The following IGF2BP2 variants were observed in gnomAD, a reference collection of about 807,000 sequenced individuals.
The protein encoded by IGF2BP2 is insulin like growth factor 2 mRNA binding protein 2.
In IGF2BP2, 17 loss-of-function variants were observed where a neutral mutation model predicts 75.8. That is an observed-to-expected ratio of 0.22 (90% CI 0.15 to 0.34). The LOEUF (loss-of-function observed/expected upper bound fraction) is 0.34. Ranked by LOEUF, IGF2BP2 falls within the 10% of genes least tolerant of loss-of-function variation. IGF2BP2 has a pLI of 1.00. For missense variants in IGF2BP2, 516 were observed against 772.4 expected (o/e 0.67, Z 3.93); for synonymous variants, 288 against 295.6 (o/e 0.97, Z 0.26).
chr3:185,663,760 TTTC>T (rs552276938), intron 10 of IGF2BP2, among the ~76,000 whole-genome samples: 3 of 152,198 alleles, frequency 2.0e-5, no homozygotes, highest in Non-Finnish European at 2.9e-5. Context: ...TATTACTTAT[TTTC>T]TTCTACTAAT....
chr3:185,798,190 C>G (rs967414081), intron 2 of IGF2BP2, among the ~76,000 whole-genome samples: 1 of 152,046 alleles, frequency 6.6e-6, no homozygotes, highest in Admixed American at 6.6e-5. Flanking sequence ...GAGCAAGACT[C>G]TGCCTCAAGA....
chr3:185,648,081 C>T (rs1344622231), intron 14 of IGF2BP2, among the ~76,000 whole-genome samples: 6 of 152,232 alleles, frequency 3.9e-5, no homozygotes, highest in East Asian at 1.9e-4. Flanking sequence ...TTTGATTCCA[C>T]ACCGCTTCGT....
chr3:185,720,663 C>G (rs1340216117), intron 2 of IGF2BP2, among the ~76,000 whole-genome samples: 1 of 152,206 alleles, frequency 6.6e-6, no homozygotes, highest in African/African-American at 2.4e-5. Flanking sequence ...AGGCATGCTG[C>G]TGAACCCACT....
chr3:185,651,822 C>A (rs1217261602), intron 13 of IGF2BP2, among the ~76,000 whole-genome samples: 1 of 152,172 alleles, frequency 6.6e-6, no homozygotes, highest in African/African-American at 2.4e-5. Flanking sequence ...AAAACCAGGG[C>A]TAAGGGATCA....
intron 2 of IGF2BP2, among the ~76,000 whole-genome samples, chr3:185,699,617 T>C (rs986972193): frequency 2.0e-5 from 3 of 152,238 alleles, no homozygotes; most frequent in Admixed American, 2.0e-4. Context: ...AATGTGAATA[T>C]ATATTCATAT....
chr3:185,654,149 A>C (rs1715049245), intron 12 of IGF2BP2, among the ~76,000 whole-genome samples: 1 of 151,968 alleles, frequency 6.6e-6, no homozygotes, highest in Non-Finnish European at 1.5e-5. Context: ...TCTGGCTGTG[A>C]CTCCTTGGTG....
intron 2 of IGF2BP2, among the ~76,000 whole-genome samples, chr3:185,821,735 G>A (rs1392480058): frequency 1.3e-5 from 2 of 151,942 alleles, no homozygotes; most frequent in African/African-American, 2.4e-5. Flanking sequence ...CAAATACTTG[G>A]GGTAGTTATT....
At chr3:185,820,884 C>A in intron 2 of IGF2BP2, 2 of 765,716 alleles carry the variant, frequency 2.6e-6, no homozygotes, top group South Asian at 2.4e-5. Context: ...ACACAAAAAC[C>A]ACATATAGAA....
intron 2 of IGF2BP2, among the ~76,000 whole-genome samples, chr3:185,766,392 G>A (rs1733062220): frequency 6.6e-6 from 1 of 152,018 alleles, no homozygotes; most frequent in Non-Finnish European, 1.5e-5. Flanking sequence ...CCAGCCACCT[G>A]TTTTTGTATA....
At chr3:185,650,896 G>A (rs993605650) in intron 13 of IGF2BP2, among the ~76,000 whole-genome samples, 3 of 152,098 alleles carry the variant, frequency 2.0e-5, no homozygotes, top group Non-Finnish European at 4.4e-5. Context: ...TCATATGAAC[G>A]AAATCACTTC....
intron 10 of IGF2BP2, among the ~76,000 whole-genome samples, chr3:185,659,245 A>T (rs1280302894): frequency 6.6e-6 from 1 of 151,848 alleles, no homozygotes; most frequent in Non-Finnish European, 1.5e-5. Flanking sequence ...AAAAAGAGAG[A>T]GAGTGACTGA....
rs1192703319 is a variant in IGF2BP2 at position 185,675,354 on chromosome 3, T to G, written c.1013A>C (p.Glu338Ala). Residue 338 changes from glutamate (E) to alanine (A), a missense_variant, in exon 9 of 16, where the codon GAG (glutamate) becomes GCG (alanine). Coordinates refer to ENST00000382199, the MANE Select transcript of IGF2BP2 (RefSeq NM_006548.6). ...KGTVEACASA[E>A]IEIMKKLREA... Reference sequence around the variant, plus strand: ...ACGCAGCTTCTTCATAATCTCTATCTCAGCACTGGCACAGGCCTCAACTGT... The same window carrying G: ...ACGCAGCTTCTTCATAATCTCTATCGCAGCACTGGCACAGGCCTCAACTGT... 1.9e-6 allele frequency: 3 copies of G among 1,612,516 alleles called. No homozygotes were observed. The highest frequency in any genetic ancestry group is 2.5e-6 in the Non-Finnish European group (3 of 1,179,734).
At chr3:185,792,624 G>A (rs11925455) in intron 2 of IGF2BP2, among the ~76,000 whole-genome samples, 43,864 of 151,564 alleles carry the variant, frequency 0.29, 6,661 homozygotes, top group African/African-American at 0.39. Flanking sequence ...AAAGTTAGCC[G>A]GGCCTGGTGA....
At chr3:185,774,071 T>C (rs1015901476) in intron 2 of IGF2BP2, among the ~76,000 whole-genome samples, 1 of 152,174 alleles carries the variant, frequency 6.6e-6, no homozygotes, top group Non-Finnish European at 1.5e-5. Flanking sequence ...CTTAACACAG[T>C]GCTGAACACA....
At chr3:185,738,592 CCT>C (rs1729150271) in intron 2 of IGF2BP2, among the ~76,000 whole-genome samples, 1 of 152,156 alleles carries the variant, frequency 6.6e-6, no homozygotes, top group Non-Finnish European at 1.5e-5. Flanking sequence ...CCACTACCAT[CCT>C]CTCTCAGAAA....
At chr3:185,676,467 G>A (rs1231813799) in intron 7 of IGF2BP2, among the ~76,000 whole-genome samples, 2 of 152,038 alleles carry the variant, frequency 1.3e-5, no homozygotes, top group East Asian at 1.9e-4. Context: ...GCCTAAGCCC[G>A]AGAGTTCAAG....
At chr3:185,749,628 T>C (rs1377055676) in intron 2 of IGF2BP2, among the ~76,000 whole-genome samples, 1 of 152,200 alleles carries the variant, frequency 6.6e-6, no homozygotes, top group Non-Finnish European at 1.5e-5. Flanking sequence ...AGCACTAATA[T>C]AAGCTTCTCT....
chr3:185,718,857 G>A (rs1288260583), intron 2 of IGF2BP2, among the ~76,000 whole-genome samples: 6 of 152,126 alleles, frequency 3.9e-5, no homozygotes, highest in African/African-American at 1.4e-4. Flanking sequence ...GTAAGATCCT[G>A]TATCTTTTGG....
At chr3:185,804,566 C>G (rs1339907024) in intron 2 of IGF2BP2, among the ~76,000 whole-genome samples, 1 of 152,016 alleles carries the variant, frequency 6.6e-6, no homozygotes, top group Non-Finnish European at 1.5e-5. Context: ...TGTTAGTTTC[C>G]TCAGGTTACA....
Sources: gnomAD v4.1 joint callset for allele counts (sites outside exome capture counted in the v4.1 genomes callset) on GRCh38, gnomAD v4.1.1 for gene constraint, MANE v1.5 for transcripts, NCBI Gene and HGNC (gene_info 2026-07-23, HGNC 2026-07-21) for gene names.